CLSTN2: variants seen among roughly 807,000 people sequenced by gnomAD.
CLSTN2 encodes the protein calsyntenin 2, also known as calsyntenin-2.
CLSTN2 carries 48 observed loss-of-function variants against 101.2 expected under a neutral mutation model. The observed-to-expected ratio is 0.47, with a 90% CI of 0.38 to 0.60. The LOEUF is 0.60. Among genes scored for constraint, CLSTN2 ranks in the 20% least tolerant of loss-of-function variants. The pLI, the probability that CLSTN2 is intolerant of heterozygous loss-of-function variation, is 0.00. For synonymous variants in CLSTN2, 481 were observed against 463.6 expected, an observed-to-expected ratio of 1.04 and a Z score of -0.48; for missense variants, 1,160 against 1,238.2, an observed-to-expected ratio of 0.94 and a Z score of 0.95.
chr3:140,196,286 G>C (rs562735490), intron 2 of CLSTN2, among the ~76,000 whole-genome samples: 1 of 152,190 alleles, frequency 6.6e-6, no homozygotes, highest in Non-Finnish European at 1.5e-5. Flanking sequence ...AGAGGAAGGC[G>C]GGGGAAAAAT....
At chr3:140,011,170 G>A (rs1249070187) in intron 1 of CLSTN2, among the ~76,000 whole-genome samples, 1 of 152,212 alleles carries the variant, frequency 6.6e-6, no homozygotes, top group African/African-American at 2.4e-5. Context: ...CCATGGTGCT[G>A]TTAACCTAGA....
intron 1 of CLSTN2, among the ~76,000 whole-genome samples, chr3:140,016,918 A>C (rs1296990606): frequency 6.6e-6 from 1 of 152,136 alleles, no homozygotes; most frequent in East Asian, 1.9e-4. Context: ...AAAGTAGGCT[A>C]TTAGTAGTTA....
intron 1 of CLSTN2, among the ~76,000 whole-genome samples, chr3:139,943,380 A>G (rs1228781485): frequency 2.6e-5 from 4 of 152,194 alleles, no homozygotes; most frequent in African/African-American, 7.2e-5. Context: ...TCAAGGTGGC[A>G]GCATGTATGC....
In CLSTN2 at chr3:139,986,706, C is replaced by T. The variant is rs977969608; in HGVS notation, c.109+51223C>T. ...ATTGCACATTCCTATATTGTTTGAT[C>T]GTGCTCAGCAATGCCATTAGCTGGT... On this transcript the variant is annotated intron_variant, in intron 1 of 16. Transcript: ENST00000458420. Among the ~76,000 whole-genome samples the T allele has an allele frequency of 5.9e-5, 9 of 152,128 alleles. No homozygotes were observed. In the East Asian group the frequency reaches 9.6e-4, roughly 16 times the overall value.
intron 8 of CLSTN2, among the ~76,000 whole-genome samples, chr3:140,473,735 G>T (rs927465195): frequency 2.6e-4 from 22 of 86,156 alleles, no homozygotes; most frequent in Non-Finnish European, 5.7e-4. Context: ...ATCTATGGGG[G>T]TTTTTTGTGT....
At chr3:140,463,364 C>T (rs1933609802) in intron 7 of CLSTN2, among the ~76,000 whole-genome samples, 1 of 152,112 alleles carries the variant, frequency 6.6e-6, no homozygotes, top group Non-Finnish European at 1.5e-5. Flanking sequence ...TCAGCAATCA[C>T]CAGGTGAGAG....
At chr3:140,245,395 C>A (rs4499555) in intron 2 of CLSTN2, among the ~76,000 whole-genome samples, 147,326 of 152,234 alleles carry the variant, frequency 0.97, 71,461 homozygotes, top group East Asian at 1. Flanking sequence ...CAAGCACCAT[C>A]CCCAAGAAAT....
At position 140,540,307 on chromosome 3, in the gene CLSTN2, G is replaced by A. The variant is rs75689452; in HGVS notation, c.1508-6208G>A. Among the ~76,000 whole-genome samples the A allele has an allele frequency of 1.7e-4, 26 of 152,304 alleles. No individual in the cohort carries two copies. In the East Asian group the frequency reaches 4.2e-3, roughly 25 times the overall value. On this transcript the variant is annotated intron_variant, in intron 9 of 16. Transcript: ENST00000458420. The stretch of plus-strand genomic sequence containing the variant: ...TCATAAAAATGAAAGGGTTGAGAAA[G>A]CCTGCTGGGAGTGTGCCATGGCCAG...
intron 9 of CLSTN2, among the ~76,000 whole-genome samples, chr3:140,543,032 T>C (rs1400556563): frequency 6.6e-6 from 1 of 152,256 alleles, no homozygotes; most frequent in Non-Finnish European, 1.5e-5. Context: ...TGTTCATCTA[T>C]AACTATAGAA....
chr3:140,384,529 C>T (rs2088029193), intron 2 of CLSTN2, among the ~76,000 whole-genome samples: 4 of 152,146 alleles, frequency 2.6e-5, no homozygotes, highest in Admixed American at 2.6e-4. Flanking sequence ...CTGACCAGTC[C>T]TAGCCTTGAT....
intron 5 of CLSTN2, among the ~76,000 whole-genome samples, chr3:140,427,014 A>G (rs1404801556): frequency 1.3e-5 from 2 of 151,408 alleles, no homozygotes; most frequent in African/African-American, 2.4e-5. Context: ...GTCTCTACTG[A>G]AAACACAAAA....
chr3:140,240,187 T>TAC (rs1304783483), intron 2 of CLSTN2, among the ~76,000 whole-genome samples: 5 of 8,854 alleles, frequency 5.6e-4, no homozygotes, highest in African/African-American at 6.7e-4. Flanking sequence ...TATATATATA[T>TAC]ATATATATAT....
intron 10 of CLSTN2, among the ~76,000 whole-genome samples, chr3:140,552,431 A>T (rs1246409290): frequency 6.6e-6 from 1 of 151,390 alleles, no homozygotes; most frequent in East Asian, 1.9e-4. Context: ...AACACCCAAA[A>T]CCTGCTCTGG....
intron 2 of CLSTN2, among the ~76,000 whole-genome samples, chr3:140,399,616 C>A (rs2088219107): frequency 2.0e-5 from 3 of 152,196 alleles, no homozygotes; most frequent in Admixed American, 2.0e-4. Flanking sequence ...TTGTATTTTA[C>A]AGTTCATATA....
chr3:140,106,562 T>C (rs971642837), intron 1 of CLSTN2, among the ~76,000 whole-genome samples: 1 of 152,176 alleles, frequency 6.6e-6, no homozygotes, highest in African/African-American at 2.4e-5. Context: ...CACTGACTAC[T>C]TTTGCCTAGA....
intron 1 of CLSTN2, among the ~76,000 whole-genome samples, chr3:139,974,548 C>T (rs967410022): frequency 1.3e-5 from 2 of 152,176 alleles, no homozygotes; most frequent in Admixed American, 1.3e-4. Context: ...AGCAACGTTT[C>T]CAGGGAGCTG....
chr3:140,322,534 T>C lies in CLSTN2; in HGVS notation c.233-81095T>C, dbSNP rs151298940. Among the ~76,000 whole-genome samples, 906 of 152,342 alleles carry C rather than the reference T, an allele frequency of 5.9e-3. 8 individuals carry two copies. Among genetic ancestry groups the C allele is most frequent in the Non-Finnish European group, 0.01 (703 of 68,028 alleles). ...CTCAAATCATCCCAAGGATAAGTGG[T>C]CAGGGAAATTTCTACAGCAGATGTC... On this transcript the variant is annotated intron_variant, in intron 2 of 16. Coordinates refer to ENST00000458420, the MANE Select transcript of CLSTN2 (RefSeq NM_022131.3).
In CLSTN2 at chr3:139,976,774, C is replaced by T. The variant is rs568720500; in HGVS notation, c.109+41291C>T. 5.9e-5 allele frequency among the ~76,000 whole-genome samples: 9 copies of T among 152,278 alleles called. No individual in the cohort carries two copies. In the South Asian group the frequency reaches 1.2e-3, roughly 21 times the overall value. Reference sequence around the variant, plus strand: ...ACCTGTAATATGAGGGTGTGAAACACGCTGAGGGGTTGATTCCCTAGGGTT... The same window carrying T: ...ACCTGTAATATGAGGGTGTGAAACATGCTGAGGGGTTGATTCCCTAGGGTT... On this transcript the variant is annotated intron_variant, in intron 1 of 16. Coordinates refer to ENST00000458420, the MANE Select transcript of CLSTN2 (RefSeq NM_022131.3).
At chr3:140,303,258 C>T (rs964354521) in intron 2 of CLSTN2, among the ~76,000 whole-genome samples, 18 of 152,182 alleles carry the variant, frequency 1.2e-4, no homozygotes, top group Non-Finnish European at 2.2e-4. Context: ...GCTTGAGGAA[C>T]CAGAGGAGGC....
Sources: allele counts gnomAD v4.1 joint callset (sites outside exome capture counted in the v4.1 genomes callset), GRCh38; gene constraint gnomAD v4.1.1; transcripts MANE v1.5; gene names NCBI Gene and HGNC (gene_info 2026-07-23, HGNC 2026-07-21).